Variants in SHANK2 observed in about 807,000 individuals in gnomAD.
SHANK2 encodes SH3 and multiple ankyrin repeat domains 2.
Under a neutral mutation model 133.7 loss-of-function variants are expected in SHANK2, and 43 were observed. The observed-to-expected ratio is 0.32, with a 90% confidence interval of 0.25 to 0.41. SHANK2 has a LOEUF of 0.41. Ranked by LOEUF, SHANK2 falls within the 10% of genes least tolerant of loss-of-function variation. The pLI, the probability that SHANK2 is intolerant of heterozygous loss-of-function variation, is 1.00. For synonymous variants in SHANK2, 1,017 were observed against 952.8 expected, an observed-to-expected ratio of 1.07 and a Z score of -1.24; for missense variants, 1,994 against 2,235.8, an observed-to-expected ratio of 0.89 and a Z score of 2.18.
chr11:70,624,918 G>A (rs903637723), intron 17 of SHANK2, among the ~76,000 whole-genome samples: 2 of 152,184 alleles, frequency 1.3e-5, no homozygotes, highest in Non-Finnish European at 1.5e-5. Context: ...TGTCCCAAGG[G>A]TTCTCACCAG....
Position 70,661,576 on chromosome 11 carries a change from C to A in SHANK2, c.1936+20G>T. ...ACACAAACATGGGAACATATTCAGG[C>A]TCAGAGCGGCTGCTCTTACCTTTGG... is the stretch of plus-strand genomic sequence containing the variant. On this transcript the variant is annotated intron_variant, in intron 16 of 25. Transcript: ENST00000601538. 1.9e-6 allele frequency: 3 copies of A among 1,599,930 alleles called. No homozygotes were observed. Among genetic ancestry groups the A allele is most frequent in the Non-Finnish European group, 2.6e-6 (3 of 1,168,786 alleles).
At chr11:70,832,258 A>T (rs1555058758) in intron 11 of SHANK2, among the ~76,000 whole-genome samples, 2 of 150,706 alleles carry the variant, frequency 1.3e-5, no homozygotes, top group Non-Finnish European at 2.9e-5. Context: ...TTTAAGTTTT[A>T]AAAAATCTGT....
intron 6 of SHANK2, among the ~76,000 whole-genome samples, chr11:71,096,210 C>T (rs782543547): frequency 3.4e-4 from 52 of 152,290 alleles, no homozygotes; most frequent in Non-Finnish European, 5.6e-4. Context: ...TGTTGCATAC[C>T]CTCCTGATGC....
chr11:70,472,878 C>T lies in SHANK2; in HGVS notation c.5541G>A (p.Leu1847=), dbSNP rs1555148962. Reference sequence around the variant, plus strand: ...TGGAGAGCAGCCGTCCTTATCTGTCCAGCAGCTGTTTCAAAGCCCTTTCTA... The same window carrying T: ...TGGAGAGCAGCCGTCCTTATCTGTCTAGCAGCTGTTTCAAAGCCCTTTCTA... ...MNIERALKQL[L]DR is the part of the protein sequence containing the mutation. Residue 1847 remains leucine (L), a synonymous_variant, in exon 26 of 26, where the codon CTG becomes CTA. Transcript: ENST00000601538. This position sits in a 1 kb window ranked among gnomAD's most constrained non-coding sequence, Gnocchi z 4.4. 5 of 1,614,074 alleles carry T rather than the reference C, an allele frequency of 3.1e-6. No individual in the cohort carries two copies. The African/African-American group carries it at 6.7e-5, about 22-fold the overall frequency.
At chr11:70,680,207 C>T (rs1030094217) in intron 15 of SHANK2, among the ~76,000 whole-genome samples, 3 of 152,214 alleles carry the variant, frequency 2.0e-5, no homozygotes, top group African/African-American at 4.8e-5. Context: ...TCTGTCAGAG[C>T]GGGTTCTCAA....
intron 2 of SHANK2, among the ~76,000 whole-genome samples, chr11:71,217,598 C>T (rs931523408): frequency 6.6e-6 from 1 of 152,170 alleles, no homozygotes; most frequent in Non-Finnish European, 1.5e-5. Flanking sequence ...CAGCTCCACG[C>T]ATGTTACTGC....
At chr11:70,551,114 A>T (rs2059762304) in intron 17 of SHANK2, among the ~76,000 whole-genome samples, 2 of 151,044 alleles carry the variant, frequency 1.3e-5, no homozygotes. Context: ...GGGCTTCACC[A>T]GGGTCTGCAT....
chr11:71,208,249 T>A (rs1954170692), intron 2 of SHANK2, among the ~76,000 whole-genome samples: 1 of 151,790 alleles, frequency 6.6e-6, no homozygotes, highest in African/African-American at 2.4e-5. Context: ...TTGAGTGGGA[T>A]GTGCCAGGGC....
chr11:70,822,528 G>A (rs139942179), intron 11 of SHANK2, among the ~76,000 whole-genome samples: 2 of 152,138 alleles, frequency 1.3e-5, no homozygotes, highest in East Asian at 3.9e-4. Flanking sequence ...AGTTCATGAG[G>A]GACAGAGGTG....
Position 70,470,551 on chromosome 11 carries a change from T to G in SHANK2, c.*2318A>C, listed in dbSNP as rs1213012981. On this transcript the variant is annotated 3_prime_UTR_variant, in exon 26 of 26. Coordinates refer to ENST00000601538, the MANE Select transcript of SHANK2 (RefSeq NM_012309.5). ...ATGCCAAAGGAATGGACTCACGGAATTTTGCGGTATCATCAAATGGAAGAC... is the reference window on the plus strand; with the variant it reads ...ATGCCAAAGGAATGGACTCACGGAAGTTTGCGGTATCATCAAATGGAAGAC... 1 of 152,600 alleles carries G rather than the reference T, an allele frequency of 6.6e-6. No homozygotes were observed. Among genetic ancestry groups the G allele is most frequent in the African/African-American group, 2.4e-5 (1 of 41,440 alleles). 9.5% of individuals were successfully genotyped at this position (152,600 alleles called of 1,614,324 possible).
intron 14 of SHANK2, among the ~76,000 whole-genome samples, chr11:70,725,712 C>T (rs138822382): frequency 6.9e-5 from 10 of 144,352 alleles, no homozygotes; most frequent in African/African-American, 2.4e-4. Flanking sequence ...TATCAAAGGC[C>T]CACTTCTTGT....
chr11:71,092,697 A>G, intron 7 of SHANK2, 108 bp from the exon 8 acceptor site: 1 of 1,074,276 alleles, frequency 9.3e-7, no homozygotes, highest in Non-Finnish European at 1.3e-6. Context: ...GGTCAAGGCA[A>G]CCCACACCCT....
At chr11:70,834,825 G>A (rs895795679) in intron 11 of SHANK2, among the ~76,000 whole-genome samples, 4 of 152,162 alleles carry the variant, frequency 2.6e-5, no homozygotes, top group African/African-American at 4.8e-5. Flanking sequence ...AGGGAGGCCC[G>A]TGGAAAATCG....
chr11:70,534,670 T>C (rs1386589096), intron 17 of SHANK2, among the ~76,000 whole-genome samples: 1 of 152,150 alleles, frequency 6.6e-6, no homozygotes, highest in Admixed American at 6.5e-5. Flanking sequence ...AGAATGACAG[T>C]GTCCTAAGAC....
chr11:70,661,502 C>CACACACACACACACACACACAA, intron 16 of SHANK2, 94 bp downstream of exon 16: 2 of 2,976 alleles, frequency 6.7e-4, no homozygotes, highest in East Asian at 6.9e-3. Flanking sequence ...CAGGCGTATA[C>CACACACACACACACACACACAA]ACACACACAC....
chr11:71,227,773 G>C (rs1019981900), intron 1 of SHANK2, among the ~76,000 whole-genome samples: 4 of 152,044 alleles, frequency 2.6e-5, no homozygotes, highest in Non-Finnish European at 1.5e-5. Flanking sequence ...TTCTTTTCAA[G>C]TGTTCATGAA....
At chr11:70,854,607 C>A (rs1277897559) in intron 11 of SHANK2, among the ~76,000 whole-genome samples, 1 of 152,202 alleles carries the variant, frequency 6.6e-6, no homozygotes. Flanking sequence ...CAAGGAAGGG[C>A]CTTCTGGGGA....
chr11:70,587,563 C>A (rs563908029), intron 17 of SHANK2, among the ~76,000 whole-genome samples: 30 of 152,046 alleles, frequency 2.0e-4, no homozygotes, highest in Non-Finnish European at 3.5e-4. Context: ...ACAGCGAGTC[C>A]GACATTCAGA....
intron 8 of SHANK2, among the ~76,000 whole-genome samples, chr11:71,089,217 C>T (rs1565443832): frequency 6.6e-6 from 1 of 152,154 alleles, no homozygotes; most frequent in African/African-American, 2.4e-5. Context: ...CAACAGGAGC[C>T]GAAGCTCACG....
Sources: allele counts gnomAD v4.1 joint callset (sites outside exome capture counted in the v4.1 genomes callset), GRCh38; gene constraint gnomAD v4.1.1; non-coding constraint Gnocchi (gnomAD v3.1); transcripts MANE v1.5; gene names NCBI Gene and HGNC (gene_info 2026-07-23, HGNC 2026-07-21).